The following CDYL2 variants were observed in gnomAD, a reference collection of about 807,000 sequenced individuals.
The protein encoded by CDYL2 is chromodomain Y-like protein 2.
Under a neutral mutation model 49.4 loss-of-function variants are expected in CDYL2, and 23 were observed. The ratio of observed to expected loss-of-function variants is 0.47; its 90% CI spans 0.34 to 0.66. The LOEUF is 0.66. Among genes scored for constraint, CDYL2 ranks in the 30% least tolerant of loss-of-function variants. The pLI is 0.01. For synonymous variants in CDYL2, 360 were observed against 268.8 expected (o/e 1.34, Z -3.32); for missense variants, 678 against 656.4 (o/e 1.03, Z -0.36).
At chr16:80,778,943 T>C (rs192862686) in intron 1 of CDYL2, among the ~76,000 whole-genome samples, 30 of 152,138 alleles carry the variant, frequency 2.0e-4, no homozygotes, top group African/African-American at 7.0e-4. Context: ...AGAGACCATA[T>C]CCCTACTTCA....
rs1411133307 is a variant in CDYL2 at position 80,603,661 on chromosome 16, A to C, written c.*727T>G. The C allele has an allele frequency of 6.6e-6, 1 of 152,652 alleles. No homozygotes were observed. Among genetic ancestry groups the C allele is most frequent in the African/African-American group, 2.4e-5 (1 of 41,454 alleles). The allele number at this position is 152,652 out of a possible 1,614,324, so 9.5% of individuals were successfully genotyped here. On this transcript the variant is annotated 3_prime_UTR_variant, in exon 7 of 7. Coordinates refer to ENST00000570137, the MANE Select transcript of CDYL2 (RefSeq NM_152342.4). ...AACAGACATCACAATATATAAACAA[A>C]AATAAATAAATAAAACAAGTCCAAG...
At chr16:80,713,920 A>G (rs1469856235) in intron 1 of CDYL2, among the ~76,000 whole-genome samples, 4 of 152,188 alleles carry the variant, frequency 2.6e-5, no homozygotes, top group Non-Finnish European at 5.9e-5. Flanking sequence ...GTCAAGAGCC[A>G]GGATCAAACA....
upstream of CDYL2, among the ~76,000 whole-genome samples, chr16:80,804,641 G>A (rs902801716): frequency 1.6e-4 from 24 of 145,462 alleles, no homozygotes; most frequent in Non-Finnish European, 4.6e-5. Flanking sequence ...GGCCCCCGGG[G>A]CGGGGAGGCG....
chr16:80,803,684 C>T (rs1358246867), intron 1 of CDYL2, among the ~76,000 whole-genome samples: 1 of 141,552 alleles, frequency 7.1e-6, no homozygotes. Flanking sequence ...CCCGCGCCCC[C>T]GGCCCAGCCG....
At chr16:80,608,374 C>G (rs1412606709) in intron 5 of CDYL2, 139 bp from the exon 6 acceptor site, 2 of 942,696 alleles carry the variant, frequency 2.1e-6, no homozygotes, top group East Asian at 5.6e-5. Flanking sequence ...ATTTTGGGGT[C>G]AGATAAGCTT....
intron 1 of CDYL2, among the ~76,000 whole-genome samples, chr16:80,699,002 C>G (rs58188701): frequency 2.0e-5 from 3 of 151,854 alleles, no homozygotes; most frequent in Non-Finnish European, 2.9e-5. Flanking sequence ...ATCAAAAAAA[C>G]AAAAACTAAC....
At chr16:80,791,866 T>C (rs566479770) in intron 1 of CDYL2, among the ~76,000 whole-genome samples, 3 of 152,230 alleles carry the variant, frequency 2.0e-5, no homozygotes, top group East Asian at 1.9e-4. Flanking sequence ...CTCATGAGTA[T>C]AGTCCAGAGA....
Position 80,612,671 on chromosome 16 carries a change from A to T in CDYL2, c.1173T>A (p.Ala391=). Residue 391 remains alanine, a synonymous_variant, in exon 5 of 7, where the codon GCT becomes GCA. Coordinates refer to ENST00000570137, the MANE Select transcript of CDYL2 (RefSeq NM_152342.4). This position sits in a 1 kb window ranked among gnomAD's most constrained non-coding sequence, Gnocchi z 5.0. ...GGGGGAAGGTGTAGGAGGAGCAGCCAGCAGGCGTGAGGCGGATGGTGGCGT... is the reference window on the plus strand; with the variant it reads ...GGGGGAAGGTGTAGGAGGAGCAGCCTGCAGGCGTGAGGCGGATGGTGGCGT... The part of the protein sequence containing the change: ...TPYATIRLTP[A]GCSSYTFPQI... 1 of 1,613,030 alleles carries T rather than the reference A, an allele frequency of 6.2e-7. No homozygotes were observed. The highest frequency in any genetic ancestry group is 8.5e-7 in the Non-Finnish European group (1 of 1,179,862).
intron 3 of CDYL2, chr16:80,627,778 T>C (rs1171749305): frequency 6.6e-6 from 1 of 152,260 alleles, no homozygotes; most frequent in Non-Finnish European, 1.5e-5. Context: ...GATGTGATTC[T>C]ATAACAAATA....
At chr16:80,668,916 T>G (rs1419119428) in intron 2 of CDYL2, among the ~76,000 whole-genome samples, 2 of 151,868 alleles carry the variant, frequency 1.3e-5, no homozygotes, top group Non-Finnish European at 2.9e-5. Flanking sequence ...AATAATAATT[T>G]AAAAATAAAA....
At chr16:80,738,678 C>A (rs1218456359) in intron 1 of CDYL2, 1 of 152,208 alleles carries the variant, frequency 6.6e-6, no homozygotes, top group Non-Finnish European at 1.5e-5. Context: ...AAATATGCTA[C>A]AATTAACTGT....
At chr16:80,761,961 G>T (rs375204905) in intron 1 of CDYL2, among the ~76,000 whole-genome samples, 89 of 151,346 alleles carry the variant, frequency 5.9e-4, no homozygotes, top group African/African-American at 2.0e-3. Flanking sequence ...CAAGGCAGGA[G>T]GATTGTTTGA....
chr16:80,603,319 ACGCAATTTGG>A lies in CDYL2; in HGVS notation c.*1059_*1068del, dbSNP rs1191169997. On this transcript the variant is annotated 3_prime_UTR_variant, in exon 7 of 7. Transcript: ENST00000570137. ...CCTATCCCCACTCCTGCCCAACATC[ACGCAATTTGG>A]GACTGGGTCTGTTTCAGGATCATTC... The A allele has an allele frequency of 6.6e-6, 1 of 152,136 alleles. No homozygotes were observed. The highest frequency in any genetic ancestry group is 2.4e-5 in the African/African-American group (1 of 41,416). The allele number at this position is 152,136 out of a possible 1,614,324, so 9.4% of individuals were successfully genotyped here.
In CDYL2 at chr16:80,612,499, T is replaced by C; in HGVS notation, c.1218+127A>G. 2.3e-6 allele frequency: 2 copies of C among 878,182 alleles called. No individual in the cohort carries two copies. The highest frequency in any genetic ancestry group is 1.7e-5 in the African/African-American group (1 of 59,562). The allele number at this position is 878,182 out of a possible 1,614,324, so 54.4% of individuals were successfully genotyped here. A position where few individuals can be genotyped will look rare whatever the true frequency, so the allele number is the denominator to read the frequency against. ...TCTGGCACTGAAGGTGTGAAGGACA[T>C]GAGGCAGCCAAGCCAATCTGCAGGC... On this transcript the variant is annotated intron_variant, in intron 5 of 6. Transcript: ENST00000570137. The surrounding 1 kb of genome is among the most constrained non-coding windows in gnomAD (Gnocchi z 5.0).
At chr16:80,715,038 A>C (rs1268119119) in intron 1 of CDYL2, among the ~76,000 whole-genome samples, 1 of 152,178 alleles carries the variant, frequency 6.6e-6, no homozygotes, top group Non-Finnish European at 1.5e-5. Flanking sequence ...CTGACAGGGT[A>C]ACTAAGCTCA....
chr16:80,659,252 C>A (rs1487371185), intron 2 of CDYL2, among the ~76,000 whole-genome samples: 1 of 152,006 alleles, frequency 6.6e-6, no homozygotes, highest in Non-Finnish European at 1.5e-5. Flanking sequence ...AAAATGTCAG[C>A]GTCATTAAAA....
Position 80,626,053 on chromosome 16 carries a change from G to A in CDYL2, c.835-5118C>T, listed in dbSNP as rs181104799. On this transcript the variant is annotated intron_variant, in intron 3 of 6. Transcript: ENST00000570137. Reference sequence around the variant, plus strand: ...ACCTGTAATTCTGGCACTTTGGAAGGCTGAGGCAGGCAGATTGCCTGAGCT... The same window carrying A: ...ACCTGTAATTCTGGCACTTTGGAAGACTGAGGCAGGCAGATTGCCTGAGCT... Among the ~76,000 whole-genome samples the A allele has an allele frequency of 2.4e-4, 36 of 151,982 alleles. No homozygotes were observed. In the East Asian group the frequency reaches 5.2e-3, roughly 22 times the overall value.
At chr16:80,763,511 C>G (rs1226039102) in intron 1 of CDYL2, among the ~76,000 whole-genome samples, 2 of 151,970 alleles carry the variant, frequency 1.3e-5, no homozygotes, top group Non-Finnish European at 2.9e-5. Flanking sequence ...GCTTGGGAGG[C>G]TGAGGTGGGA....
At chr16:80,650,031 G>A (rs1452201477) in intron 2 of CDYL2, among the ~76,000 whole-genome samples, 4 of 152,026 alleles carry the variant, frequency 2.6e-5, no homozygotes, top group Admixed American at 6.6e-5. Flanking sequence ...GAAAACATTG[G>A]GGAAAATCTC....
Sources: gnomAD v4.1 joint callset for allele counts (sites outside exome capture counted in the v4.1 genomes callset) on GRCh38, gnomAD v4.1.1 for gene constraint, Gnocchi (gnomAD v3.1) non-coding constraint, MANE v1.5 for transcripts, NCBI Gene and HGNC (gene_info 2026-07-23, HGNC 2026-07-21) for gene names.